The following SIPA1L1 variants were observed in gnomAD, a reference collection of about 807,000 sequenced individuals.
SIPA1L1 encodes signal induced proliferation associated 1 like 1.
In SIPA1L1, 26 loss-of-function variants were observed where a neutral mutation model predicts 162.7. The ratio of observed to expected loss-of-function variants is 0.16; its 90% CI spans 0.12 to 0.22. The LOEUF (loss-of-function observed/expected upper bound fraction) is 0.22. SIPA1L1 is among the 10% of genes least tolerant of loss of function. SIPA1L1 has a pLI of 1.00. For missense variants in SIPA1L1, 1,874 were observed against 2,241.0 expected (o/e 0.84, Z 3.31); for synonymous variants, 829 against 837.4 (o/e 0.99, Z 0.17).
intron 12 of SIPA1L1, among the ~76,000 whole-genome samples, chr14:71,679,152 A>G (rs2045528729): frequency 6.6e-6 from 1 of 152,200 alleles, no homozygotes. Context: ...ACCAAAGTTG[A>G]AATGAAGGAA....
intron 2 of SIPA1L1, among the ~76,000 whole-genome samples, chr14:71,328,287 T>C (rs1261259303): frequency 1.3e-5 from 2 of 152,202 alleles, no homozygotes; most frequent in East Asian, 3.9e-4. Context: ...GAAGGCCATT[T>C]TCAAGGTGGT....
intron 7 of SIPA1L1, among the ~76,000 whole-genome samples, chr14:71,629,975 A>C (rs1381811311): frequency 1.3e-5 from 2 of 152,204 alleles, no homozygotes; most frequent in East Asian, 3.8e-4. Context: ...TTTTATTGTG[A>C]GGATAAATGA....
chr14:71,617,949 A>G (rs1323959415), intron 5 of SIPA1L1, among the ~76,000 whole-genome samples: 1 of 152,222 alleles, frequency 6.6e-6, no homozygotes, highest in Non-Finnish European at 1.5e-5. Flanking sequence ...TAAAAGATGT[A>G]TATGCACAGT....
chr14:71,469,579 A>C (rs2047290339), intron 2 of SIPA1L1, among the ~76,000 whole-genome samples: 1 of 152,208 alleles, frequency 6.6e-6, no homozygotes, highest in African/African-American at 2.4e-5. Flanking sequence ...TAGCGAAGAT[A>C]TCTAATGTGC....
intron 12 of SIPA1L1, among the ~76,000 whole-genome samples, chr14:71,674,891 C>A (rs1331077770): frequency 6.6e-6 from 1 of 152,112 alleles, no homozygotes; most frequent in East Asian, 1.9e-4. Context: ...GAAACCGGGA[C>A]TCAAAGGTTA....
chr14:71,704,718 C>A, intron 15 of SIPA1L1: 1 of 1,610,614 alleles, frequency 6.2e-7, no homozygotes, highest in Non-Finnish European at 8.5e-7. Flanking sequence ...CTGTTGTGCT[C>A]AGCTTACAGT....
At chr14:71,682,007 A>T (rs762414495) in intron 12 of SIPA1L1, among the ~76,000 whole-genome samples, 1 of 152,112 alleles carries the variant, frequency 6.6e-6, no homozygotes, top group Non-Finnish European at 1.5e-5. Context: ...TTCCTTGGAG[A>T]ATTGGAATGG....
chr14:71,450,182 T>C (rs796257452), intron 2 of SIPA1L1, among the ~76,000 whole-genome samples: 7 of 152,306 alleles, frequency 4.6e-5, no homozygotes, highest in African/African-American at 1.2e-4. Context: ...TGTGTTAATA[T>C]ACAGATATAC....
At chr14:71,469,506 C>A (rs1245079781) in intron 2 of SIPA1L1, among the ~76,000 whole-genome samples, 1 of 152,058 alleles carries the variant, frequency 6.6e-6, no homozygotes, top group Non-Finnish European at 1.5e-5. Context: ...AAAAAAAAAT[C>A]AAAGCAGTAT....
chr14:71,732,844 A>C (rs540670542), intron 20 of SIPA1L1, among the ~76,000 whole-genome samples: 6 of 152,278 alleles, frequency 3.9e-5, no homozygotes, highest in Admixed American at 3.3e-4. Flanking sequence ...CATGGAACCC[A>C]GTGGGCTGCC....
intron 2 of SIPA1L1, among the ~76,000 whole-genome samples, chr14:71,365,248 A>T (rs2038179155): frequency 6.6e-6 from 1 of 151,928 alleles, no homozygotes. Flanking sequence ...TCCTGGGCTC[A>T]AGCAATCCTC....
rs1566996062 is a variant in SIPA1L1 at position 71,417,500 on chromosome 14, A to AAAAAAAAAAAC, written c.-464-95240_-464-95239insAAAAAAACAAA. Among the ~76,000 whole-genome samples the AAAAAAAAAAAC allele has an allele frequency of 4.1e-5, 6 of 146,410 alleles. 1 individual carries two copies. Among genetic ancestry groups the AAAAAAAAAAAC allele is most frequent in the African/African-American group, 1.2e-4 (5 of 40,240 alleles). ...AAAAAAAAAAAAAAAAAAAAAAAAA[A>AAAAAAAAAAAC]AAAGAAAATCCTAAAGAAGAGAAAA... On this transcript the variant is annotated intron_variant, in intron 2 of 23. Coordinates refer to ENST00000381232, the MANE Select transcript of SIPA1L1 (RefSeq NM_001386936.1).
intron 2 of SIPA1L1, among the ~76,000 whole-genome samples, chr14:71,337,962 A>G (rs950114913): frequency 6.6e-5 from 10 of 152,138 alleles, no homozygotes; most frequent in African/African-American, 1.9e-4. Flanking sequence ...AGAAAAATGT[A>G]TGTGAAATCT....
chr14:71,443,277 A>G (rs549282242), intron 2 of SIPA1L1, among the ~76,000 whole-genome samples: 2 of 152,270 alleles, frequency 1.3e-5, no homozygotes, highest in South Asian at 4.1e-4. Flanking sequence ...TAATTGTTGC[A>G]TCATACACAA....
At chr14:71,520,558 AG>A (rs2052227031) in intron 3 of SIPA1L1, among the ~76,000 whole-genome samples, 1 of 152,166 alleles carries the variant, frequency 6.6e-6, no homozygotes, top group Non-Finnish European at 1.5e-5. Flanking sequence ...GACTCCTGCG[AG>A]TTATAGCAGT....
chr14:71,331,597 A>G (rs1379620030), intron 2 of SIPA1L1, among the ~76,000 whole-genome samples: 4 of 152,174 alleles, frequency 2.6e-5, no homozygotes, highest in African/African-American at 4.8e-5. Context: ...AATTATCACA[A>G]CAGTCAGATG....
chr14:71,541,145 A>C (rs960091508), intron 4 of SIPA1L1, among the ~76,000 whole-genome samples: 3 of 152,054 alleles, frequency 2.0e-5, no homozygotes, highest in Admixed American at 6.6e-5. Flanking sequence ...GAACTTATTT[A>C]TGCTATATGG....
intron 2 of SIPA1L1, among the ~76,000 whole-genome samples, chr14:71,381,426 G>A (rs1398612744): frequency 6.6e-6 from 1 of 152,086 alleles, no homozygotes; most frequent in East Asian, 1.9e-4. Context: ...AAAGAAGCTA[G>A]ATTATAGAGG....
intron 7 of SIPA1L1, among the ~76,000 whole-genome samples, chr14:71,637,514 G>A (rs2041280253): frequency 6.6e-6 from 1 of 152,052 alleles, no homozygotes; most frequent in African/African-American, 2.4e-5. Context: ...AGGATCATTT[G>A]AGGCCAGAAG....
Sources: gnomAD v4.1 joint callset for allele counts (sites outside exome capture counted in the v4.1 genomes callset) on GRCh38, gnomAD v4.1.1 for gene constraint, MANE v1.5 for transcripts, NCBI Gene and HGNC (gene_info 2026-07-23, HGNC 2026-07-21) for gene names.